Variants in ANK2 observed in about 807,000 individuals in gnomAD.
The protein encoded by ANK2 is ankyrin-2.
A neutral mutation model predicts 360.5 loss-of-function variants in ANK2; 83 were observed. That is an observed-to-expected ratio of 0.23 (90% confidence interval 0.19 to 0.28). The LOEUF (loss-of-function observed/expected upper bound fraction) is 0.28. Ranked by LOEUF, ANK2 falls within the 10% of genes least tolerant of loss-of-function variation. The pLI is 1.00. For synonymous variants in ANK2, 1,740 were observed against 1,759.5 expected, an observed-to-expected ratio of 0.99 and a Z score of 0.28; for missense variants, 4,201 against 4,795.7, an observed-to-expected ratio of 0.88 and a Z score of 3.66.
rs574715133 is a variant in ANK2, at chr4:113,024,303, C to T, written c.21+119789C>T. On this transcript the variant is annotated intron_variant, in intron 2 of 30. Coordinates refer to the ANK2 transcript ENST00000503271. Reference sequence around the variant, plus strand: ...TTAAAGATTACTAGTATACTAGACACTCTCTCAGATAGACACAGGTGAGAT... The same window carrying T: ...TTAAAGATTACTAGTATACTAGACATTCTCTCAGATAGACACAGGTGAGAT... Among the ~76,000 whole-genome samples, 6 of 152,076 alleles carry T rather than the reference C, an allele frequency of 3.9e-5. No homozygotes were observed. In the South Asian group the frequency reaches 8.3e-4, roughly 21 times the overall value.
chr4:113,244,695 G>A (rs982831963), intron 9 of ANK2, among the ~76,000 whole-genome samples: 4 of 152,120 alleles, frequency 2.6e-5, no homozygotes, highest in Non-Finnish European at 4.4e-5. Flanking sequence ...GTATTCACGT[G>A]CCATGGTGGT....
rs1316504779 is a variant in ANK2 at position 112,902,757 on chromosome 4, G to A, written c.-39-1698G>A. ...AGTTCCAAGGGAATTTAAAAACAGG[G>A]TTGTGATTTCAGTGTCTGAATATGT... On this transcript the variant is annotated intron_variant, in intron 1 of 30. Coordinates refer to the ANK2 transcript ENST00000503271. Among the ~76,000 whole-genome samples the A allele has an allele frequency of 1.3e-5, 2 of 152,168 alleles. 1 individual carries two copies. The highest frequency in any genetic ancestry group is 3.8e-4 in the East Asian group (2 of 5,196).
chr4:112,873,494 T>A (rs1471657279), intron 1 of ANK2, among the ~76,000 whole-genome samples: 1 of 151,846 alleles, frequency 6.6e-6, no homozygotes, highest in Non-Finnish European at 1.5e-5. Context: ...TTTCCACTTA[T>A]TTTTAATTTT....
chr4:113,229,169 G>A (rs2099261550), intron 4 of ANK2, among the ~76,000 whole-genome samples: 1 of 152,236 alleles, frequency 6.6e-6, no homozygotes, highest in African/African-American at 2.4e-5. Flanking sequence ...TACACCACCA[G>A]TGGCTTGAAA....
At chr4:113,272,429 A>T (rs2058892483) in intron 14 of ANK2, among the ~76,000 whole-genome samples, 1 of 152,214 alleles carries the variant, frequency 6.6e-6, no homozygotes. Context: ...TTAAATTAAC[A>T]TTACCCTTAA....
intron 1 of ANK2, among the ~76,000 whole-genome samples, chr4:112,861,400 C>T (rs570550743): frequency 6.6e-6 from 1 of 152,128 alleles, no homozygotes; most frequent in East Asian, 1.9e-4. Context: ...CTATATTTTC[C>T]GTTGAGACTC....
intron 2 of ANK2, among the ~76,000 whole-genome samples, chr4:113,014,551 A>G (rs1377574408): frequency 1.3e-5 from 2 of 152,166 alleles, no homozygotes; most frequent in African/African-American, 2.4e-5. Flanking sequence ...ACTGTGCTTT[A>G]TTCTAAAGGA....
rs2098723970 is a variant in ANK2, at chr4:113,194,774, T to C, written c.187-1594T>C. ...CAATAAGAGCTCAATAAATATTTGC[T>C]GATTGTTTCAAAAAACTAAGTACAT... On this transcript the variant is annotated intron_variant, in intron 2 of 45. Transcript: ENST00000357077. Among the ~76,000 whole-genome samples the C allele has an allele frequency of 2.0e-5, 3 of 152,302 alleles. 1 individual carries two copies. The highest frequency in any genetic ancestry group is 4.1e-4 in the South Asian group (2 of 4,834).
chr4:113,064,232 C>T (rs1244130286), intron 1 of ANK2, among the ~76,000 whole-genome samples: 1 of 152,088 alleles, frequency 6.6e-6, no homozygotes, highest in East Asian at 1.9e-4. Context: ...TAGAATATAA[C>T]ATAAATACAT....
intron 36 of ANK2, among the ~76,000 whole-genome samples, chr4:113,349,842 A>G (rs897336522): frequency 2.0e-5 from 3 of 152,138 alleles, no homozygotes; most frequent in African/African-American, 7.2e-5. Flanking sequence ...TGTAGAACAC[A>G]TCACCCTAGT....
the ANK2 span, among the ~76,000 whole-genome samples, chr4:112,747,159 T>G: frequency 2.6e-5 from 4 of 152,220 alleles, no homozygotes; most frequent in Non-Finnish European, 5.9e-5. Flanking sequence ...AGGTGACACA[T>G]TCTTTAGCCA....
chr4:113,166,848 G>C (rs1007090478), intron 1 of ANK2, among the ~76,000 whole-genome samples: 7 of 152,144 alleles, frequency 4.6e-5, no homozygotes, highest in African/African-American at 1.7e-4. Flanking sequence ...AAGAACAGGG[G>C]AGTAATGCTA....
intron 7 of ANK2, 116 bp downstream of exon 7, chr4:113,237,738 T>C: frequency 1.0e-6 from 1 of 1,001,964 alleles, no homozygotes; most frequent in East Asian, 2.4e-5. Context: ...AATGGGAAAT[T>C]AATTTGAAAA....
intron 24 of ANK2, among the ~76,000 whole-genome samples, chr4:113,312,288 A>AG (rs961179441): frequency 1.3e-5 from 2 of 150,468 alleles, no homozygotes; most frequent in South Asian, 2.1e-4. Flanking sequence ...AGAAAAAAAA[A>AG]AAAAGAAAAG....
At chr4:112,904,378 G>T in intron 1 of ANK2, 1 of 868,006 alleles carries the variant, frequency 1.2e-6, no homozygotes. Flanking sequence ...ATTTTGATTT[G>T]AAATATGGAA....
At chr4:113,095,254 G>T (rs2090487568) in intron 1 of ANK2, among the ~76,000 whole-genome samples, 2 of 152,166 alleles carry the variant, frequency 1.3e-5, no homozygotes, top group South Asian at 2.1e-4. Flanking sequence ...TTCTAGAAGA[G>T]ACTTTTTTAG....
At chr4:112,993,385 C>T (rs768455135) in intron 2 of ANK2, among the ~76,000 whole-genome samples, 1 of 152,006 alleles carries the variant, frequency 6.6e-6, no homozygotes, top group Non-Finnish European at 1.5e-5. Flanking sequence ...TCACTGCAAC[C>T]TCCACCTCCC....
At chr4:113,364,378 GAGAACAAGCT>G (rs1404073879) in intron 40 of ANK2, among the ~76,000 whole-genome samples, 1 of 152,182 alleles carries the variant, frequency 6.6e-6, no homozygotes, top group African/African-American at 2.4e-5. Flanking sequence ...GTAAGCAAAT[GAGAACAAGCT>G]ACTGTCACTT....
At chr4:112,712,446 C>T in the ANK2 span, among the ~76,000 whole-genome samples, 3 of 129,754 alleles carry the variant, frequency 2.3e-5, no homozygotes, top group African/African-American at 5.7e-5. Context: ...TTCGCTCTGT[C>T]GCCCAGGCTG....
Sources: gnomAD v4.1 joint callset for allele counts (sites outside exome capture counted in the v4.1 genomes callset) on GRCh38, gnomAD v4.1.1 for gene constraint, MANE v1.5 for transcripts, NCBI Gene and HGNC (gene_info 2026-07-23, HGNC 2026-07-21) for gene names.